UGT1A5: variants seen among roughly 807,000 people sequenced by gnomAD.
UGT1A5 encodes UDP-glucuronosyltransferase 1A5.
UGT1A5 carries 29 observed loss-of-function variants against 40.3 expected under a neutral mutation model. The ratio of observed to expected loss-of-function variants is 0.72; its 90% CI spans 0.54 to 0.98. UGT1A5 has a LOEUF of 0.98. Ranked by LOEUF, UGT1A5 falls within the 50% of genes least tolerant of loss-of-function variation. The pLI is 0.00. For synonymous variants in UGT1A5, 257 were observed against 262.5 expected, an observed-to-expected ratio of 0.98 and a Z score of 0.20; for missense variants, 678 against 677.9, an observed-to-expected ratio of 1.00 and a Z score of 0.00.
In UGT1A5 at chr2:233,760,159, C is replaced by A. The variant is rs35071471; in HGVS notation, c.868-6875C>A. The A allele has an allele frequency of 1.9e-5, 29 of 1,504,618 alleles. No individual in the cohort carries two copies. In the East Asian group the frequency reaches 7.0e-4, roughly 36 times the overall value. 93.2% of individuals were successfully genotyped at this position (1,504,618 alleles called of 1,614,324 possible). A position where few individuals can be genotyped will look rare whatever the true frequency, so the allele number is the denominator to read the frequency against. On this transcript the variant is annotated intron_variant, in intron 1 of 4. Coordinates refer to ENST00000373414, the MANE Select transcript of UGT1A5 (RefSeq NM_019078.2). ...TCTCTGAAAGTGAACTCCCTGCTAC[C>A]TTTGTGGACTGACAGCTTTTTATAG...
chr2:233,732,326 T>G (rs2078260709), intron 1 of UGT1A5, among the ~76,000 whole-genome samples: 1 of 152,270 alleles, frequency 6.6e-6, no homozygotes, highest in African/African-American at 2.4e-5. Flanking sequence ...TGGCTTTTGT[T>G]GCCATTGCTT....
Position 233,718,873 on chromosome 2 carries a change from T to A in UGT1A5, c.867+5015T>A, listed in dbSNP as rs139927449. ...CCGCGGCTGGCCACAGGACTGCTGC[T>A]CCTCCTCAGTGTCCAGCCCTGGGCT... On this transcript the variant is annotated intron_variant, in intron 1 of 4. Transcript: ENST00000373414. 339 of 1,613,914 alleles carry A rather than the reference T, an allele frequency of 2.1e-4. 1 individual carries two copies. Among genetic ancestry groups the A allele is most frequent in the Non-Finnish European group, 8.0e-5 (94 of 1,179,916 alleles).
At chr2:233,725,138 T>G (rs1450596211) in intron 1 of UGT1A5, among the ~76,000 whole-genome samples, 3 of 132,684 alleles carry the variant, frequency 2.3e-5, no homozygotes, top group Middle Eastern at 3.7e-3. Flanking sequence ...ATGGCAGCAG[T>G]ACAGTCCAGC....
intron 1 of UGT1A5, among the ~76,000 whole-genome samples, chr2:233,728,857 A>G (rs1164474909): frequency 6.6e-6 from 1 of 152,224 alleles, no homozygotes; most frequent in Admixed American, 6.5e-5. Flanking sequence ...TGGATGAGAA[A>G]CAAGAGCTTG....
Position 233,767,942 on chromosome 2 carries a change from T to C in UGT1A5, c.1087+6T>C, listed in dbSNP as rs1198417535. The stretch of plus-strand genomic sequence containing the variant: ...ACCCCAAAACGATCTGCTTGGTATG[T>C]TGGGCGGATTGGATGTATAGGTCAA... On this transcript the variant is annotated splice_donor_region_variant and intron_variant, in intron 3 of 4. Transcript: ENST00000373414. The C allele has an allele frequency of 3.7e-6, 6 of 1,614,092 alleles. No individual in the cohort carries two copies. The East Asian group carries it at 1.1e-4, about 30-fold the overall frequency.
At chr2:233,719,526 T>C (rs1307558571) in intron 1 of UGT1A5, 1 of 1,613,852 alleles carries the variant, frequency 6.2e-7, no homozygotes, top group Admixed American at 1.7e-5. Flanking sequence ...AAGTCTTGCC[T>C]CTGAGCTTTT....
At chr2:233,760,178 T>C in intron 1 of UGT1A5, 1 of 1,545,848 alleles carries the variant, frequency 6.5e-7, no homozygotes, top group Non-Finnish European at 8.7e-7. Flanking sequence ...CTGACAGCTT[T>C]TTATAGTCAC....
At chr2:233,737,076 G>C (rs183644627) in intron 1 of UGT1A5, among the ~76,000 whole-genome samples, 1 of 152,350 alleles carries the variant, frequency 6.6e-6, no homozygotes, top group East Asian at 1.9e-4. Flanking sequence ...CTTCAGAGCT[G>C]TCAGACAGGG....
rs2076338429 is a variant in UGT1A5 at position 233,713,673 on chromosome 2, T to C, written c.682T>C (p.Ser228Pro). The C allele has an allele frequency of 1.4e-5, 22 of 1,613,890 alleles. No individual in the cohort carries two copies. The East Asian group carries it at 4.9e-4, about 36-fold the overall frequency. Residue 228 changes from serine (S) to proline (P), a missense_variant, in exon 1 of 5, where the codon TCT becomes CCT. Transcript: ENST00000373414. ...LALSYLCHAVSAPYASLASEL... is the reference protein window; with the variant it reads ...LALSYLCHAVPAPYASLASEL... Reference sequence around the variant, plus strand: ...CCTGTCCTACCTTTGCCATGCTGTTTCTGCTCCTTATGCAAGCCTTGCCTC... The same window carrying C: ...CCTGTCCTACCTTTGCCATGCTGTTCCTGCTCCTTATGCAAGCCTTGCCTC...
chr2:233,718,517 T>G (rs2076659127), intron 1 of UGT1A5, among the ~76,000 whole-genome samples: 2 of 152,204 alleles, frequency 1.3e-5, no homozygotes, highest in African/African-American at 2.4e-5. Context: ...ATGAAATGGG[T>G]GTCCACAGCC....
chr2:233,738,615 C>T lies in UGT1A5; in HGVS notation c.867+24757C>T, dbSNP rs190192640. 3.7e-3 allele frequency among the ~76,000 whole-genome samples: 556 copies of T among 152,294 alleles called. 1 individual carries two copies. Among genetic ancestry groups the T allele is most frequent in the Admixed American group, 7.3e-3 (112 of 15,298 alleles). ...CTTGCTAAGCTTTAGCAAAGAAACT[C>T]GTGGCATTTTTGCCCCTGCCCTAGA... is the stretch of plus-strand genomic sequence containing the variant. On this transcript the variant is annotated intron_variant, in intron 1 of 4. Coordinates refer to ENST00000373414, the MANE Select transcript of UGT1A5 (RefSeq NM_019078.2).
At chr2:233,724,265 G>C (rs1471463851) in intron 1 of UGT1A5, among the ~76,000 whole-genome samples, 1 of 132,982 alleles carries the variant, frequency 7.5e-6, no homozygotes, top group African/African-American at 2.9e-5. Context: ...CCTCCCGGAC[G>C]GGGCGGCTGG....
At chr2:233,742,178 A>T (rs1317325763) in intron 1 of UGT1A5, among the ~76,000 whole-genome samples, 1 of 151,940 alleles carries the variant, frequency 6.6e-6, no homozygotes, top group Non-Finnish European at 1.5e-5. Context: ...AGAAATATAG[A>T]GTGTGGAGTG....
At chr2:233,732,694 G>A (rs2078300923) in intron 1 of UGT1A5, among the ~76,000 whole-genome samples, 1 of 150,038 alleles carries the variant, frequency 6.7e-6, no homozygotes, top group Non-Finnish European at 1.5e-5. Flanking sequence ...CACCCATGCT[G>A]TTTTGTTACT....
rs186385577 is a variant in UGT1A5 at position 233,726,826 on chromosome 2, T to C, written c.867+12968T>C. ...TGGAGGTTTTCCTCTATTCGACCAT[T>C]TAAATTTAATTTTTGTTCCTTTTCT... On this transcript the variant is annotated intron_variant, in intron 1 of 4. Transcript: ENST00000373414. 4.6e-3 allele frequency among the ~76,000 whole-genome samples: 697 copies of C among 152,318 alleles called. 10 individuals carry two copies. Among genetic ancestry groups the C allele is most frequent in the Middle Eastern group, 0.031 (9 of 294 alleles).
At chr2:233,738,664 G>A (rs974057109) in intron 1 of UGT1A5, among the ~76,000 whole-genome samples, 1 of 152,140 alleles carries the variant, frequency 6.6e-6, no homozygotes, top group Non-Finnish European at 1.5e-5. Flanking sequence ...ACGAACTTGA[G>A]AGAGATGATC....
intron 1 of UGT1A5, chr2:233,744,108 T>G: frequency 2.5e-6 from 1 of 394,750 alleles, no homozygotes; most frequent in South Asian, 2.1e-5. Flanking sequence ...GGACTGGCCC[T>G]GCTCTCTGTG....
At position 233,729,612 on chromosome 2, in the gene UGT1A5, T is replaced by G. The variant is rs769549634; in HGVS notation, c.867+15754T>G. On this transcript the variant is annotated intron_variant, in intron 1 of 4. Coordinates refer to ENST00000373414, the MANE Select transcript of UGT1A5 (RefSeq NM_019078.2). ...TTAACCTCTGCGCGGCAGTGCTGGC[T>G]AAGTACCTGTCGATTCCTACTGTGT... is the stretch of plus-strand genomic sequence containing the variant. 6 of 1,614,046 alleles carry G rather than the reference T, an allele frequency of 3.7e-6. No individual in the cohort carries two copies. In the South Asian group the frequency reaches 6.6e-5, roughly 18 times the overall value.
intron 1 of UGT1A5, among the ~76,000 whole-genome samples, chr2:233,766,091 G>A (rs558812390): frequency 4.6e-5 from 7 of 152,254 alleles, no homozygotes; most frequent in African/African-American, 1.7e-4. Flanking sequence ...AAGGACAGAG[G>A]GCTTTCTGTA....
Sources: allele counts gnomAD v4.1 joint callset (sites outside exome capture counted in the v4.1 genomes callset), GRCh38; gene constraint gnomAD v4.1.1; transcripts MANE v1.5; gene names NCBI Gene and HGNC (gene_info 2026-07-23, HGNC 2026-07-21).